Variants in ITGA8 observed in about 807,000 individuals in gnomAD.
ITGA8 encodes the protein integrin subunit alpha 8.
Under a neutral mutation model 142.3 loss-of-function variants are expected in ITGA8, and 91 were observed. The ratio of observed to expected loss-of-function variants is 0.64; its 90% confidence interval spans 0.54 to 0.76. ITGA8 has a LOEUF of 0.76. Among genes scored for constraint, ITGA8 ranks in the 30% least tolerant of loss-of-function variants. The pLI is 0.00. For missense variants in ITGA8, 1,406 were observed against 1,327.7 expected, an observed-to-expected ratio of 1.06 and a Z score of -0.92; for synonymous variants, 505 against 485.2, an observed-to-expected ratio of 1.04 and a Z score of -0.54.
At chr10:15,592,328 C>A in intron 21 of ITGA8, 24 bp from the exon 22 acceptor site, 1 of 1,535,896 alleles carries the variant, frequency 6.5e-7, no homozygotes, top group Non-Finnish European at 9.0e-7. Context: ...TAAAATCACA[C>A]AAGAGTAGCT....
chr10:15,683,973 A>G, intron 4 of ITGA8, 31 bp downstream of exon 4: 1 of 1,613,276 alleles, frequency 6.2e-7, no homozygotes, highest in Non-Finnish European at 8.5e-7. Context: ...ACTTGAGCTA[A>G]TGTCAGTTTC....
intron 2 of ITGA8, among the ~76,000 whole-genome samples, chr10:15,710,763 A>G (rs1023659661): frequency 3.3e-5 from 5 of 152,150 alleles, no homozygotes; most frequent in Non-Finnish European, 7.4e-5. Context: ...CTGGAATAGA[A>G]CTACAACCTG....
At chr10:15,659,113 TAA>T (rs1452346618) in intron 9 of ITGA8, 58 bp from the exon 10 acceptor site, 2 of 1,167,976 alleles carry the variant, frequency 1.7e-6, no homozygotes, top group East Asian at 5.1e-5. Context: ...GAGCCTTTTT[TAA>T]AAACTACAAC....
intron 28 of ITGA8, among the ~76,000 whole-genome samples, chr10:15,524,575 C>G (rs1027054480): frequency 1.3e-5 from 2 of 152,122 alleles, no homozygotes; most frequent in African/African-American, 4.8e-5. Context: ...ATTCATGTCT[C>G]TAAATCAGTA....
intron 10 of ITGA8, among the ~76,000 whole-genome samples, chr10:15,658,424 C>G (rs1273101709): frequency 6.6e-6 from 1 of 152,186 alleles, no homozygotes; most frequent in Non-Finnish European, 1.5e-5. Context: ...CCACCTCCCC[C>G]ACCAGTCTCC....
At chr10:15,645,226 C>T (rs969390640) in intron 12 of ITGA8, among the ~76,000 whole-genome samples, 2 of 151,720 alleles carry the variant, frequency 1.3e-5, no homozygotes, top group African/African-American at 4.8e-5. Flanking sequence ...ACTGCCTTGA[C>T]TCCCATCCCC....
chr10:15,701,394 A>G (rs1835160734), intron 2 of ITGA8, among the ~76,000 whole-genome samples: 1 of 152,224 alleles, frequency 6.6e-6, no homozygotes, highest in African/African-American at 2.4e-5. Context: ...TCAACCCGGG[A>G]ACTTTAGATG....
intron 27 of ITGA8, among the ~76,000 whole-genome samples, chr10:15,536,512 G>A (rs963507568): frequency 6.6e-6 from 1 of 152,152 alleles, no homozygotes; most frequent in Non-Finnish European, 1.5e-5. Context: ...AATGCTTCCA[G>A]TTGTGCTCTT....
Position 15,531,160 on chromosome 10 carries a change from A to G in ITGA8, c.2881-9T>C, listed in dbSNP as rs1252087618. On this transcript the variant is annotated splice_polypyrimidine_tract_variant and intron_variant, in intron 27 of 29. Coordinates refer to ENST00000378076, the MANE Select transcript of ITGA8 (RefSeq NM_003638.3). ...TAGGGATCATTTTTTCTCTGAAAGT[A>G]AAAGTATTTATTTAAATATATTTCA... 2 of 1,358,768 alleles carry G rather than the reference A, an allele frequency of 1.5e-6. No individual in the cohort carries two copies. The highest frequency in any genetic ancestry group is 1.6e-5 in the South Asian group (1 of 64,432). The allele number at this position is 1,358,768 out of a possible 1,614,324, so 84.2% of individuals were successfully genotyped here. A position where few individuals can be genotyped will look rare whatever the true frequency, so the allele number is the denominator to read the frequency against.
intron 2 of ITGA8, among the ~76,000 whole-genome samples, chr10:15,689,214 C>T (rs1211067354): frequency 6.6e-6 from 1 of 152,180 alleles, no homozygotes; most frequent in Non-Finnish European, 1.5e-5. Context: ...GGACAGATGG[C>T]ATCAGCCAGA....
chr10:15,591,466 A>G (rs1352528185), intron 22 of ITGA8, among the ~76,000 whole-genome samples: 4 of 149,300 alleles, frequency 2.7e-5, no homozygotes, highest in Non-Finnish European at 5.9e-5. Flanking sequence ...TTTCCATTCA[A>G]TTTCCTTTTA....
At chr10:15,580,184 A>G (rs1489929395) in intron 23 of ITGA8, among the ~76,000 whole-genome samples, 2 of 151,630 alleles carry the variant, frequency 1.3e-5, no homozygotes, top group Non-Finnish European at 2.9e-5. Context: ...AATATCAAGA[A>G]TGATGGAGAA....
At chr10:15,639,277 C>T (rs1471563750) in intron 13 of ITGA8, among the ~76,000 whole-genome samples, 1 of 152,142 alleles carries the variant, frequency 6.6e-6, no homozygotes, top group African/African-American at 2.4e-5. Flanking sequence ...AATGCTAGGG[C>T]TTAGCAAACC....
chr10:15,620,688 GGGA>G (rs1365567390), intron 13 of ITGA8, among the ~76,000 whole-genome samples: 1 of 152,142 alleles, frequency 6.6e-6, no homozygotes, highest in Non-Finnish European at 1.5e-5. Flanking sequence ...ATCTCTCCAG[GGGA>G]GGAGAACTGA....
chr10:15,671,526 G>T, intron 8 of ITGA8, 77 bp downstream of exon 8: 1 of 1,197,038 alleles, frequency 8.4e-7, no homozygotes, highest in Non-Finnish European at 1.2e-6. Context: ...AAATCACATT[G>T]ATAGAAAAAA....
At chr10:15,598,012 C>T (rs1027087511) in intron 20 of ITGA8, among the ~76,000 whole-genome samples, 1 of 152,136 alleles carries the variant, frequency 6.6e-6, no homozygotes, top group Non-Finnish European at 1.5e-5. Context: ...CTTCCAGCTC[C>T]TCTTCATGTC....
chr10:15,530,029 A>G (rs1389320606), intron 28 of ITGA8, among the ~76,000 whole-genome samples: 1 of 152,232 alleles, frequency 6.6e-6, no homozygotes, highest in Admixed American at 6.5e-5. Context: ...CCAAGGGATG[A>G]AGGTGGAATC....
chr10:15,690,565 C>T (rs1834915639), intron 2 of ITGA8, among the ~76,000 whole-genome samples: 1 of 152,150 alleles, frequency 6.6e-6, no homozygotes, highest in African/African-American at 2.4e-5. Flanking sequence ...ACCCCAGTTC[C>T]ACAGCCACTC....
intron 20 of ITGA8, among the ~76,000 whole-genome samples, chr10:15,602,195 A>C (rs866240643): frequency 3.9e-5 from 6 of 152,358 alleles, no homozygotes; most frequent in South Asian, 4.1e-4. Context: ...GAGCTCTGGA[A>C]TATTAAAAAC....
Sources: allele counts gnomAD v4.1 joint callset (sites outside exome capture counted in the v4.1 genomes callset), GRCh38; gene constraint gnomAD v4.1.1; transcripts MANE v1.5; gene names NCBI Gene and HGNC (gene_info 2026-07-23, HGNC 2026-07-21).